The following PDE10A variants were observed in gnomAD, a reference collection of about 807,000 sequenced individuals.
PDE10A encodes cAMP and cAMP-inhibited cGMP 3',5'-cyclic phosphodiesterase 10A.
In PDE10A, 39 loss-of-function variants were observed where a neutral mutation model predicts 97.7. The observed-to-expected ratio is 0.40, with a 90% CI of 0.31 to 0.52. The LOEUF (loss-of-function observed/expected upper bound fraction) is 0.52. Ranked by LOEUF, PDE10A falls within the 20% of genes least tolerant of loss-of-function variation. The pLI, the probability that PDE10A is intolerant of heterozygous loss-of-function variation, is 0.56. For missense variants in PDE10A, 731 were observed against 1,047.8 expected, an observed-to-expected ratio of 0.70 and a Z score of 4.17; for synonymous variants, 371 against 376.8, an observed-to-expected ratio of 0.98 and a Z score of 0.18.
At chr6:165,812,055 T>C (rs1350003474) in intron 1 of PDE10A, among the ~76,000 whole-genome samples, 1 of 152,128 alleles carries the variant, frequency 6.6e-6, no homozygotes, top group Non-Finnish European at 1.5e-5. Context: ...GGTTTCACCA[T>C]ATTGGCCAGG....
At chr6:165,877,514 GATTA>G (rs796312233) in intron 1 of PDE10A, among the ~76,000 whole-genome samples, 14 of 152,202 alleles carry the variant, frequency 9.2e-5, no homozygotes, top group African/African-American at 3.1e-4. Flanking sequence ...ATATCCTTTT[GATTA>G]ATTGACAAAA....
intron 1 of PDE10A, among the ~76,000 whole-genome samples, chr6:165,757,466 T>G (rs1050405481): frequency 1.3e-5 from 2 of 152,204 alleles, no homozygotes; most frequent in Non-Finnish European, 2.9e-5. Flanking sequence ...CTATGCCGAC[T>G]TTATAAAATA....
intron 1 of PDE10A, among the ~76,000 whole-genome samples, chr6:165,733,931 A>G (rs754919097): frequency 6.6e-6 from 1 of 152,094 alleles, no homozygotes; most frequent in African/African-American, 2.4e-5. Flanking sequence ...GGTTACACCT[A>G]GGATCCAAAA....
intron 13 of PDE10A, among the ~76,000 whole-genome samples, chr6:165,406,486 G>T (rs1171549505): frequency 6.6e-6 from 1 of 151,942 alleles, no homozygotes; most frequent in African/African-American, 2.4e-5. Context: ...TCTGTTAATC[G>T]ATTCCAAACT....
At chr6:165,454,987 T>G (rs969758242) in intron 3 of PDE10A, among the ~76,000 whole-genome samples, 1 of 152,104 alleles carries the variant, frequency 6.6e-6, no homozygotes, top group Non-Finnish European at 1.5e-5. Flanking sequence ...AGAAGAATCC[T>G]ACTATGCCAC....
intron 1 of PDE10A, among the ~76,000 whole-genome samples, chr6:165,941,253 G>T (rs975136633): frequency 1.3e-5 from 2 of 152,198 alleles, no homozygotes; most frequent in African/African-American, 2.4e-5. Context: ...TGGCAGATGG[G>T]AGTGCTTAGC....
At chr6:165,745,787 C>A (rs1024795875) in intron 1 of PDE10A, among the ~76,000 whole-genome samples, 1 of 151,936 alleles carries the variant, frequency 6.6e-6, no homozygotes, top group African/African-American at 2.4e-5. Context: ...AGTTTTGTTT[C>A]GATATATGTT....
At chr6:165,405,555 C>G (rs1443974617) in intron 13 of PDE10A, among the ~76,000 whole-genome samples, 1 of 152,164 alleles carries the variant, frequency 6.6e-6, no homozygotes, top group African/African-American at 2.4e-5. Context: ...TGTTCTAAGA[C>G]TTTATTCACA....
intron 1 of PDE10A, among the ~76,000 whole-genome samples, chr6:165,953,186 G>A (rs1415925991): frequency 6.6e-6 from 1 of 152,088 alleles, no homozygotes; most frequent in Non-Finnish European, 1.5e-5. Flanking sequence ...CTAGTTAATA[G>A]TACTCCATTC....
At chr6:165,395,419 G>A (rs1310413536) in intron 14 of PDE10A, among the ~76,000 whole-genome samples, 155 bp from the exon 15 acceptor site, 1 of 152,144 alleles carries the variant, frequency 6.6e-6, no homozygotes, top group Non-Finnish European at 1.5e-5. Context: ...AGCTGTTACT[G>A]AAAGATTTCC....
At chr6:165,633,527 A>G (rs1788731099) in intron 1 of PDE10A, among the ~76,000 whole-genome samples, 1 of 152,256 alleles carries the variant, frequency 6.6e-6, no homozygotes, top group Non-Finnish European at 1.5e-5. Flanking sequence ...ATCAAATAGC[A>G]AACATTTCAA....
At chr6:165,481,623 A>G (rs1308592590) in intron 3 of PDE10A, among the ~76,000 whole-genome samples, 1 of 152,226 alleles carries the variant, frequency 6.6e-6, no homozygotes, top group Non-Finnish European at 1.5e-5. Flanking sequence ...TGTGTAATAC[A>G]GAAAAAACTA....
chr6:165,543,700 G>T, intron 1 of PDE10A, 132 bp from the exon 2 acceptor site: 4 of 639,024 alleles, frequency 6.3e-6, no homozygotes, highest in Non-Finnish European at 9.9e-6. Flanking sequence ...GGAAAGAGCG[G>T]GAAGGGGAAG....
At chr6:165,394,132 T>C (rs547588215) in intron 15 of PDE10A, among the ~76,000 whole-genome samples, 11 of 152,210 alleles carry the variant, frequency 7.2e-5, no homozygotes, top group African/African-American at 2.6e-4. Flanking sequence ...GTTTGTTACA[T>C]AGGTATACAC....
At chr6:165,419,523 C>T (rs1023421243) in intron 10 of PDE10A, among the ~76,000 whole-genome samples, 1 of 152,164 alleles carries the variant, frequency 6.6e-6, no homozygotes, top group African/African-American at 2.4e-5. Context: ...AGTATTTGAA[C>T]TGATACTAGC....
intron 4 of PDE10A, 94 bp downstream of exon 4, chr6:165,450,148 G>T: frequency 4.0e-6 from 3 of 748,656 alleles, no homozygotes; most frequent in Non-Finnish European, 6.4e-6. Flanking sequence ...AAATATAAAT[G>T]ACTTTCATCT....
Position 165,691,106 on chromosome 6 carries a change from T to TTTCTCTC in PDE10A, c.-614-147539_-614-147538insGAGAGAA, listed in dbSNP as rs1554305963. 4.1e-4 allele frequency among the ~76,000 whole-genome samples: 16 copies of TTTCTCTC among 39,128 alleles called. 2 individuals carry two copies. The highest frequency in any genetic ancestry group is 5.4e-4 in the Non-Finnish European group (12 of 22,046). The allele number at this position is 39,128 out of a possible 152,430, so 25.7% of individuals were successfully genotyped here. ...CTCTCTCTCTCTCTCTCTTTCTCTC[T>TTTCTCTC]CCCCCCCCCCATCAGTGCCTGTGGT... On this transcript the variant is annotated intron_variant, in intron 1 of 19. Transcript: ENST00000366882.
intron 1 of PDE10A, among the ~76,000 whole-genome samples, chr6:165,769,834 C>T (rs1034289524): frequency 6.6e-6 from 1 of 152,118 alleles, no homozygotes; most frequent in African/African-American, 2.4e-5. Flanking sequence ...GCAAGTTAGC[C>T]TTAGTGAGTT....
In PDE10A at chr6:165,343,458, G is replaced by C. The variant is rs1203935146; in HGVS notation, c.2828C>G (p.Ser943Cys). Reference protein sequence around the residue: ...GLMMTACDLCSVTKLWPVTKL... With the variant: ...GLMMTACDLCCVTKLWPVTKL... Reference sequence around the variant, plus strand: ...TGTAACGGGCCACAGTTTTGTCACAGAACAAAGGTCACAGGCAGTCATCAT... The same window carrying C: ...TGTAACGGGCCACAGTTTTGTCACACAACAAAGGTCACAGGCAGTCATCAT... The change falls in exon 19 of 22, where the codon TCT (serine) becomes TGT (cysteine). Residue 943 changes from serine (S) to cysteine (C), a missense_variant. By Grantham distance (112) the Ser-to-Cys change is moderately radical. This residue lies in a region of PDE10A where 96 missense variants were observed against 156.7 expected (regional missense o/e 0.61). Transcript: ENST00000539869. 6.2e-7 allele frequency: 1 copy of C among 1,613,870 alleles called. No individual in the cohort carries two copies. Among genetic ancestry groups the C allele is most frequent in the Non-Finnish European group, 8.5e-7 (1 of 1,179,942 alleles).
Sources: gnomAD v4.1 joint callset for allele counts (sites outside exome capture counted in the v4.1 genomes callset) on GRCh38, gnomAD v4.1.1 for gene constraint, gnomAD v4.1.1 regional missense constraint, MANE v1.5 for transcripts, NCBI Gene and HGNC (gene_info 2026-07-23, HGNC 2026-07-21) for gene names.